The following HMCN2 variants were observed in gnomAD, a reference collection of about 807,000 sequenced individuals.
The protein encoded by HMCN2 is hemicentin 2.
In HMCN2, 325 loss-of-function variants were observed where a neutral mutation model predicts 377.5. That is an observed-to-expected ratio of 0.86 (90% CI 0.79 to 0.94). The LOEUF is 0.94. HMCN2 is among the 40% of genes least tolerant of loss of function. The pLI, the probability that HMCN2 is intolerant of heterozygous loss-of-function variation, is 0.00. For missense variants in HMCN2, 4,543 were observed against 4,725.3 expected, an observed-to-expected ratio of 0.96 and a Z score of 1.13; for synonymous variants, 2,007 against 2,046.8, an observed-to-expected ratio of 0.98 and a Z score of 0.53.
rs1401210838 is a variant in HMCN2, at chr9:130,396,138, C to A, written c.11054-31C>A. On this transcript the variant is annotated intron_variant, in intron 72 of 97. Coordinates refer to ENST00000683500, the MANE Select transcript of HMCN2 (RefSeq NM_001291815.2). ...GCCCACCCCCTTAGAGCCACAGCTCCCAGCACCACTCCCTCTGTGCCCCTC... is the reference window on the plus strand; with the variant it reads ...GCCCACCCCCTTAGAGCCACAGCTCACAGCACCACTCCCTCTGTGCCCCTC... 3 of 1,257,534 alleles carry A rather than the reference C, an allele frequency of 2.4e-6. No homozygotes were observed. The East Asian group carries it at 1.7e-4, about 73-fold the overall frequency. The allele number at this position is 1,257,534 out of a possible 1,614,324, so 77.9% of individuals were successfully genotyped here.
chr9:130,411,233 T>A lies in HMCN2; in HGVS notation c.12961+581T>A, dbSNP rs369556154. Among the ~76,000 whole-genome samples, 689 of 151,626 alleles carry A rather than the reference T, an allele frequency of 4.5e-3. 3 individuals are homozygous for A. Among genetic ancestry groups the A allele is most frequent in the African/African-American group, 0.016 (646 of 41,378 alleles). On this transcript the variant is annotated intron_variant, in intron 85 of 97. Coordinates refer to ENST00000683500, the MANE Select transcript of HMCN2 (RefSeq NM_001291815.2). ...CTCTTTAAAAAAAAAAACAACAAAC[T>A]TTATTGAGTTATAATTTGCATACCA... is the stretch of plus-strand genomic sequence containing the variant.
At chr9:130,306,748 A>T in intron 12 of HMCN2, 63 bp from the exon 13 acceptor site, 1 of 432,492 alleles carries the variant, frequency 2.3e-6, no homozygotes, top group South Asian at 1.7e-5. Context: ...TGAATTTGTT[A>T]TTAATGATGA....
chr9:130,332,784 G>T (rs1838495238), intron 22 of HMCN2, among the ~76,000 whole-genome samples: 1 of 152,250 alleles, frequency 6.6e-6, no homozygotes, highest in Admixed American at 6.5e-5. Context: ...CAGGCCAGCA[G>T]ACAGGGCTGG....
chr9:130,316,390 G>A (rs938446733), intron 15 of HMCN2, among the ~76,000 whole-genome samples: 1 of 151,698 alleles, frequency 6.6e-6, no homozygotes, highest in African/African-American at 2.4e-5. Flanking sequence ...CCCTGGGCGT[G>A]GCTGAAGTCC....
At chr9:130,349,824 C>A (rs1035229973) in intron 29 of HMCN2, among the ~76,000 whole-genome samples, 161 bp downstream of exon 29, 6 of 150,434 alleles carry the variant, frequency 4.0e-5, no homozygotes, top group Admixed American at 6.6e-5. Context: ...TCCCACCCAG[C>A]AGGAGATTAG....
chr9:130,425,996 G>C (rs1844333856), intron 90 of HMCN2, 72 bp downstream of exon 90: 5 of 1,153,184 alleles, frequency 4.3e-6, no homozygotes, highest in Non-Finnish European at 6.2e-6. Flanking sequence ...AATGCACGTG[G>C]CTGGAATCCA....
intron 21 of HMCN2, among the ~76,000 whole-genome samples, chr9:130,326,803 C>T (rs1361447541): frequency 2.6e-5 from 4 of 152,074 alleles, no homozygotes; most frequent in Non-Finnish European, 5.9e-5. Flanking sequence ...TTTCTGCCGA[C>T]GAAGGGTCTT....
At chr9:130,413,328 C>T (rs1439582643) in intron 85 of HMCN2, among the ~76,000 whole-genome samples, 2 of 152,152 alleles carry the variant, frequency 1.3e-5, no homozygotes, top group Admixed American at 1.3e-4. Flanking sequence ...GCCTGGTTCC[C>T]TGGTTTAGGT....
At position 130,425,077 on chromosome 9, in the gene HMCN2, G is replaced by T; in HGVS notation, c.13588G>T (p.Val4530Leu). The T allele has an allele frequency of 6.5e-7, 1 of 1,550,154 alleles. No individual in the cohort carries two copies. ...CGATGGCCTCCTGCTCCTCGACGTG[G>T]TGGTCAATGGCGTTGTCCCCGAGAG... is the stretch of plus-strand genomic sequence containing the variant. Reference protein sequence around the residue: ...DPDGLLLLDVVVNGVVPESLA... With the variant: ...DPDGLLLLDVLVNGVVPESLA... Residue 4530 changes from valine to leucine, a missense_variant, in exon 89 of 98, where the codon GTG becomes TTG. Transcript: ENST00000683500.
At chr9:130,344,783 GT>G (rs1839254601) in intron 25 of HMCN2, among the ~76,000 whole-genome samples, 1 of 149,584 alleles carries the variant, frequency 6.7e-6, no homozygotes, top group African/African-American at 2.5e-5. Context: ...GTGTTTGTGT[GT>G]ATGGTGTGTA....
In HMCN2 at chr9:130,304,234, T is replaced by G. The variant is rs552397763; in HGVS notation, c.1544-496T>G. ...AGGTTTTTTTCTATGTTCAGCAGTC[T>G]CTGATCTTGCCACTTCTTGTGGCTT... On this transcript the variant is annotated intron_variant, in intron 10 of 97. Transcript: ENST00000683500. This position sits in a 1 kb window ranked among gnomAD's most constrained non-coding sequence, Gnocchi z 4.3. Among the ~76,000 whole-genome samples the G allele has an allele frequency of 6.6e-6, 1 of 152,328 alleles. No homozygotes were observed. The highest frequency in any genetic ancestry group is 1.9e-4 in the East Asian group (1 of 5,186).
Position 130,348,688 on chromosome 9 carries a change from C to A in HMCN2, c.4155+13C>A, listed in dbSNP as rs1385713862. On this transcript the variant is annotated intron_variant, in intron 27 of 97. Transcript: ENST00000683500. Reference sequence around the variant, plus strand: ...GGACGCGCAGCTGGTGGGTGTCCCCCTAGGGTGGGCGGGGTATGGGTGGGA... The same window carrying A: ...GGACGCGCAGCTGGTGGGTGTCCCCATAGGGTGGGCGGGGTATGGGTGGGA... 8.7e-7 allele frequency: 1 copy of A among 1,152,626 alleles called. No homozygotes were observed. The highest frequency in any genetic ancestry group is 1.2e-6 in the Non-Finnish European group (1 of 853,616). The allele number at this position is 1,152,626 out of a possible 1,614,324, so 71.4% of individuals were successfully genotyped here.
At chr9:130,433,236 C>A (rs1482270318) in intron 97 of HMCN2, 112 bp from the exon 98 acceptor site, 1 of 794,350 alleles carries the variant, frequency 1.3e-6, no homozygotes, top group Admixed American at 4.2e-5. Flanking sequence ...GAAGGACGGG[C>A]AGCGCGTGGG....
intron 85 of HMCN2, among the ~76,000 whole-genome samples, chr9:130,413,595 G>A (rs1843531570): frequency 6.6e-6 from 1 of 152,154 alleles, no homozygotes; most frequent in African/African-American, 2.4e-5. Flanking sequence ...AAAAGAAGGA[G>A]GATAGACTAC....
At chr9:130,419,140 C>T in intron 86 of HMCN2, 99 bp downstream of exon 86, 1 of 1,183,916 alleles carries the variant, frequency 8.4e-7, no homozygotes, top group Non-Finnish European at 1.1e-6. Flanking sequence ...CCTGCCTTGC[C>T]AGCTCCCCAC....
rs1205665208 is a variant in HMCN2 at position 130,338,020 on chromosome 9, A to C, written c.3486A>C (p.Gln1162His). The change falls in exon 23 of 98, where the codon CAA (glutamine) becomes CAC (histidine). Residue 1162 changes from glutamine to histidine, a missense_variant and splice_region_variant. Physicochemically the swap from Gln to His is conservative, Grantham distance 24. Coordinates refer to ENST00000683500, the MANE Select transcript of HMCN2 (RefSeq NM_001291815.2). Reference protein sequence around the residue: ...SASHRYVLGVQVPPQVQPGPR... With the variant: ...SASHRYVLGVHVPPQVQPGPR... ...CCCATCGCTACGTCCTTGGGGTGCA[A>C]GGTAGGACCAGCTGGCAGCCCCAGT... The C allele has an allele frequency of 1.3e-5, 2 of 152,484 alleles. No individual in the cohort carries two copies. Among genetic ancestry groups the C allele is most frequent in the African/African-American group, 4.8e-5 (2 of 41,386 alleles). 9.4% of individuals were successfully genotyped at this position (152,484 alleles called of 1,614,324 possible). A position where few individuals can be genotyped will look rare whatever the true frequency, so the allele number is the denominator to read the frequency against.
chr9:130,432,718 G>T, intron 97 of HMCN2, 163 bp downstream of exon 97: 1 of 701,332 alleles, frequency 1.4e-6, no homozygotes, highest in Non-Finnish European at 2.4e-6. Flanking sequence ...GAGAGAACGG[G>T]GACACAGGAG....
chr9:130,386,084 C>T (rs1015030536), intron 60 of HMCN2, among the ~76,000 whole-genome samples: 3 of 152,176 alleles, frequency 2.0e-5, no homozygotes, highest in African/African-American at 7.2e-5. Context: ...CCCTCCCTCC[C>T]TCCTTCCGTG....
Position 130,283,697 on chromosome 9 carries a change from G to A in HMCN2, c.260-906G>A, listed in dbSNP as rs138741013. Among the ~76,000 whole-genome samples the A allele has an allele frequency of 7.8e-3, 1,186 of 152,218 alleles. 6 individuals carry two copies. Among genetic ancestry groups the A allele is most frequent in the Non-Finnish European group, 9.7e-3 (660 of 68,014 alleles). On this transcript the variant is annotated intron_variant, in intron 1 of 97. Transcript: ENST00000683500. The stretch of plus-strand genomic sequence containing the variant: ...AACCATACTGTGTGTGCTGTTTTGC[G>A]TCTGGCTTCTCTCGCGTGGGAGGTG...
Sources: gnomAD v4.1 joint callset for allele counts (sites outside exome capture counted in the v4.1 genomes callset) on GRCh38, gnomAD v4.1.1 for gene constraint, Gnocchi (gnomAD v3.1) non-coding constraint, MANE v1.5 for transcripts, NCBI Gene and HGNC (gene_info 2026-07-23, HGNC 2026-07-21) for gene names.